Variants in ASTN2 observed in about 807,000 individuals in gnomAD.
The protein encoded by ASTN2 is astrotactin-2.
ASTN2 carries 54 observed loss-of-function variants against 139.8 expected under a neutral mutation model. That is an observed-to-expected ratio of 0.39 (90% CI 0.31 to 0.48). The LOEUF is 0.48. Ranked by LOEUF, ASTN2 falls within the 20% of genes least tolerant of loss-of-function variation. The pLI, the probability that ASTN2 is intolerant of heterozygous loss-of-function variation, is 0.95. For synonymous variants in ASTN2, 756 were observed against 719.5 expected (o/e 1.05, Z -0.81); for missense variants, 1,565 against 1,725.1 (o/e 0.91, Z 1.64).
At chr9:116,966,788 C>T (rs757131930) in intron 10 of ASTN2, among the ~76,000 whole-genome samples, 20 of 151,882 alleles carry the variant, frequency 1.3e-4, no homozygotes, top group Admixed American at 2.6e-4. Context: ...GAGTTACCCA[C>T]ACTCTTTCCC....
chr9:116,610,632 G>C (rs1174021757), intron 19 of ASTN2, among the ~76,000 whole-genome samples: 1 of 151,924 alleles, frequency 6.6e-6, no homozygotes, highest in Admixed American at 6.6e-5. Flanking sequence ...AAAGTAATAG[G>C]AAATTATAGA....
chr9:116,594,790 C>T (rs2131739372), intron 19 of ASTN2, among the ~76,000 whole-genome samples: 1 of 152,246 alleles, frequency 6.6e-6, no homozygotes, highest in Non-Finnish European at 1.5e-5. Context: ...GTGTCTGGCT[C>T]AGGATATGAC....
Position 117,214,524 on chromosome 9 carries a change from G to A in ASTN2, c.849C>T (p.Pro283=). 2 of 1,614,052 alleles carry A rather than the reference G, an allele frequency of 1.2e-6. No homozygotes were observed. Among genetic ancestry groups the A allele is most frequent in the Non-Finnish European group, 1.7e-6 (2 of 1,179,904 alleles). The part of the protein sequence containing the change: ...LQTHNSVIGV[P]IRETPILDDY... ...CATCCAGGATGGGAGTCTCCCGGAT[G>A]GGCACGCCAATGACGGAATTGTGGG... Residue 283 remains proline, a synonymous_variant, in exon 3 of 23, where the codon CCC becomes CCT. Transcript: ENST00000313400.
intron 10 of ASTN2, among the ~76,000 whole-genome samples, chr9:116,879,808 C>G (rs141119247): frequency 5.4e-4 from 82 of 152,272 alleles, no homozygotes; most frequent in African/African-American, 1.9e-3. Flanking sequence ...TTTCACCAAT[C>G]CTAAAAGTTA....
At chr9:117,037,678 C>G (rs918612591) in intron 6 of ASTN2, among the ~76,000 whole-genome samples, 1 of 152,110 alleles carries the variant, frequency 6.6e-6, no homozygotes, top group Non-Finnish European at 1.5e-5. Context: ...GCCTTTAAGG[C>G]TTAACATTCT....
rs137976124 is a variant in ASTN2 at position 117,365,498 on chromosome 9, A to G, written c.442+48999T>C. Among the ~76,000 whole-genome samples the G allele has an allele frequency of 1.3e-4, 20 of 152,122 alleles. No individual in the cohort carries two copies. In the East Asian group the frequency reaches 3.9e-3, roughly 30 times the overall value. On this transcript the variant is annotated intron_variant, in intron 1 of 22. Coordinates refer to ENST00000313400, the MANE Select transcript of ASTN2 (RefSeq NM_001365068.1). ...ATGACCCAGGCTGATGGGGCAGACAATATCTGAAACATTGCCAAACTCCAT... is the reference window on the plus strand; with the variant it reads ...ATGACCCAGGCTGATGGGGCAGACAGTATCTGAAACATTGCCAAACTCCAT...
chr9:116,998,593 G>A (rs201241532), intron 7 of ASTN2, among the ~76,000 whole-genome samples: 6 of 33,932 alleles, frequency 1.8e-4, no homozygotes, highest in African/African-American at 4.2e-4. Context: ...ATACATCCAT[G>A]CATCCATGCA....
intron 16 of ASTN2, chr9:116,697,833 C>G (rs746676204): frequency 1.9e-6 from 3 of 1,614,200 alleles, no homozygotes; most frequent in Non-Finnish European, 2.5e-6. Flanking sequence ...CACAGAAGAG[C>G]AGCTGCGTCC....
chr9:116,811,004 A>C lies in ASTN2; in HGVS notation c.2208-5184T>G, dbSNP rs532407798. On this transcript the variant is annotated intron_variant, in intron 12 of 22. Transcript: ENST00000313400. ...TAAAGTTCTATGCAGTGTTCTCATTAAATTTCTTTTATCTTTTATGTTTCT... is the reference window on the plus strand; with the variant it reads ...TAAAGTTCTATGCAGTGTTCTCATTCAATTTCTTTTATCTTTTATGTTTCT... Among the ~76,000 whole-genome samples, 7 of 152,262 alleles carry C rather than the reference A, an allele frequency of 4.6e-5. No individual in the cohort carries two copies. The South Asian group carries it at 1.4e-3, about 32-fold the overall frequency.
At chr9:116,805,141 T>C (rs184064460) in intron 13 of ASTN2, among the ~76,000 whole-genome samples, 1 of 151,742 alleles carries the variant, frequency 6.6e-6, no homozygotes, top group African/African-American at 2.4e-5. Context: ...TGTGTGTGTG[T>C]GTAGGCAGAC....
intron 13 of ASTN2, among the ~76,000 whole-genome samples, chr9:116,800,122 T>C (rs906852557): frequency 3.3e-5 from 5 of 152,202 alleles, no homozygotes; most frequent in Non-Finnish European, 5.9e-5. Context: ...TCCTTCTTTC[T>C]TGATCTTTTC....
chr9:116,559,299 T>C (rs1293947297), intron 19 of ASTN2, among the ~76,000 whole-genome samples: 1 of 152,202 alleles, frequency 6.6e-6, no homozygotes, highest in Non-Finnish European at 1.5e-5. Flanking sequence ...GGATATCTCA[T>C]CAGACCAGAT....
intron 10 of ASTN2, among the ~76,000 whole-genome samples, chr9:116,898,574 G>T (rs1187575197): frequency 1.3e-5 from 2 of 152,172 alleles, no homozygotes; most frequent in Admixed American, 1.3e-4. Flanking sequence ...AGTGTCTTCT[G>T]TCTGGATCAT....
Position 117,315,960 on chromosome 9 carries a change from G to A in ASTN2, c.443-24447C>T, listed in dbSNP as rs554289115. 1.1e-4 allele frequency among the ~76,000 whole-genome samples: 17 copies of A among 152,264 alleles called. No individual in the cohort carries two copies. The South Asian group carries it at 2.9e-3, about 26-fold the overall frequency. On this transcript the variant is annotated intron_variant, in intron 1 of 22. Coordinates refer to ENST00000313400, the MANE Select transcript of ASTN2 (RefSeq NM_001365068.1). ...AATAGGCAACGTCTATTGACTGCTCGCCATGTGCCAAGCACTCTTCTAAGT... is the reference window on the plus strand; with the variant it reads ...AATAGGCAACGTCTATTGACTGCTCACCATGTGCCAAGCACTCTTCTAAGT...
At chr9:117,244,435 T>G (rs1412777773) in intron 2 of ASTN2, among the ~76,000 whole-genome samples, 1 of 152,066 alleles carries the variant, frequency 6.6e-6, no homozygotes, top group African/African-American at 2.4e-5. Context: ...TTCCTGTTGT[T>G]TGAGTAGTGA....
At chr9:116,875,438 A>G (rs1181143311) in intron 10 of ASTN2, among the ~76,000 whole-genome samples, 2 of 152,240 alleles carry the variant, frequency 1.3e-5, no homozygotes, top group East Asian at 1.9e-4. Context: ...AGATTGATTC[A>G]TAAGTTTTAA....
At chr9:116,677,908 A>C (rs1859606247) in intron 16 of ASTN2, among the ~76,000 whole-genome samples, 1 of 152,190 alleles carries the variant, frequency 6.6e-6, no homozygotes, top group African/African-American at 2.4e-5. Context: ...GGGAAATGAA[A>C]AATATTACAA....
intron 3 of ASTN2, among the ~76,000 whole-genome samples, chr9:117,212,285 A>G (rs1466479083): frequency 6.6e-6 from 1 of 152,186 alleles, no homozygotes; most frequent in Non-Finnish European, 1.5e-5. Flanking sequence ...ACCTAAATGT[A>G]AGACCCGAAA....
At position 116,642,055 on chromosome 9, in the gene ASTN2, G is replaced by C. The variant is rs201164467; in HGVS notation, c.3072+9473C>G. Among the ~76,000 whole-genome samples the C allele has an allele frequency of 2.8e-5, 4 of 144,398 alleles. No individual in the cohort carries two copies. In the East Asian group the frequency reaches 8.6e-4, roughly 31 times the overall value. The allele number at this position is 144,398 out of a possible 152,430, so 94.7% of individuals were successfully genotyped here. On this transcript the variant is annotated intron_variant, in intron 17 of 22. Transcript: ENST00000313400. ...CAAACTGAAAATGACATATGAACCA[G>C]TTTGGGTAGTGGTTCTCAAGCTCAT... is the stretch of plus-strand genomic sequence containing the variant.
Sources: gnomAD v4.1 joint callset for allele counts (sites outside exome capture counted in the v4.1 genomes callset) on GRCh38, gnomAD v4.1.1 for gene constraint, MANE v1.5 for transcripts, NCBI Gene and HGNC (gene_info 2026-07-23, HGNC 2026-07-21) for gene names.